Variants in TGM5 observed in about 807,000 individuals in gnomAD.
TGM5 encodes the protein transglutaminase 5.
Under a neutral mutation model 77.2 loss-of-function variants are expected in TGM5, and 69 were observed. The observed-to-expected ratio is 0.89, with a 90% CI of 0.74 to 1.09. The LOEUF is 1.09. Among genes scored for constraint, TGM5 ranks in the 50% least tolerant of loss-of-function variants. The pLI is 0.00. For missense variants in TGM5, 842 were observed against 896.5 expected (o/e 0.94, Z 0.78); for synonymous variants, 346 against 351.8 (o/e 0.98, Z 0.18).
At chr15:43,262,385 C>A (rs1440220523) in intron 1 of TGM5, among the ~76,000 whole-genome samples, 1 of 152,170 alleles carries the variant, frequency 6.6e-6, no homozygotes, top group Non-Finnish European at 1.5e-5. Flanking sequence ...AGTACAGAGA[C>A]CTAGCTGCTT....
At chr15:43,265,113 T>A (rs1304376733) in intron 1 of TGM5, among the ~76,000 whole-genome samples, 2 of 152,318 alleles carry the variant, frequency 1.3e-5, no homozygotes, top group South Asian at 2.1e-4. Flanking sequence ...GTTATCTCAT[T>A]TAATCTTCAT....
chr15:43,263,397 A>C (rs571182498), intron 1 of TGM5, among the ~76,000 whole-genome samples: 1 of 152,366 alleles, frequency 6.6e-6, no homozygotes, highest in Admixed American at 6.5e-5. Flanking sequence ...AGTATTGAAA[A>C]GTAAATACAA....
At position 43,241,789 on chromosome 15, in the gene TGM5, A is replaced by G. The variant is rs530603612; in HGVS notation, c.863-799T>C. Among the ~76,000 whole-genome samples the G allele has an allele frequency of 1.3e-4, 20 of 150,870 alleles. No individual in the cohort carries two copies. In the South Asian group the frequency reaches 3.6e-3, roughly 27 times the overall value. Reference sequence around the variant, plus strand: ...GCTGGGATTACAGGCACACAACACCACACCCGGCTAATTTTTTTTTTTGTA... The same window carrying G: ...GCTGGGATTACAGGCACACAACACCGCACCCGGCTAATTTTTTTTTTTGTA... On this transcript the variant is annotated intron_variant, in intron 6 of 12. Transcript: ENST00000220420.
In TGM5 at chr15:43,260,444, C is replaced by T; in HGVS notation, c.146G>A (p.Ser49Asn). The change falls in exon 2 of 13, where the codon AGC becomes AAC. Residue 49 changes from serine (S) to asparagine (N), a missense_variant. Around this residue, in one of 2 missense-constraint regions of TGM5, gnomAD observed 815 missense variants for 844.6 expected, o/e 0.96. Coordinates refer to ENST00000220420, the MANE Select transcript of TGM5 (RefSeq NM_201631.4). ...FNLTLYFRNR[S>N]FQPGLDNIIF... is the part of the protein sequence containing the mutation. ...GATGTTGTCCAGGCCTGGCTGGAAG[C>T]TCCGGTTCCTGAAGTACAGGGTGAG... 1 of 1,614,206 alleles carries T rather than the reference C, an allele frequency of 6.2e-7. No individual in the cohort carries two copies. The highest frequency in any genetic ancestry group is 8.5e-7 in the Non-Finnish European group (1 of 1,180,030).
Position 43,233,043 on chromosome 15 carries a change from G to C in TGM5, c.*148C>G. On this transcript the variant is annotated 3_prime_UTR_variant, in exon 13 of 13. Transcript: ENST00000220420. ...TTAAATTTCTAGTGGAGTCAGGAGAGACAGAAAATGAACACGTCATCCCCT... is the reference window on the plus strand; with the variant it reads ...TTAAATTTCTAGTGGAGTCAGGAGACACAGAAAATGAACACGTCATCCCCT... 3 of 971,472 alleles carry C rather than the reference G, an allele frequency of 3.1e-6. No homozygotes were observed. Among genetic ancestry groups the C allele is most frequent in the South Asian group, 1.6e-5 (1 of 61,592 alleles). 60.2% of individuals were successfully genotyped at this position (971,472 alleles called of 1,614,324 possible).
intron 5 of TGM5, 150 bp from the exon 6 acceptor site, chr15:43,253,086 G>T: frequency 2.3e-6 from 2 of 852,462 alleles, no homozygotes; most frequent in Non-Finnish European, 3.8e-6. Flanking sequence ...GCTGGGGAGG[G>T]CTAAGGATGG....
At chr15:43,243,091 C>G (rs1049838960) in intron 6 of TGM5, among the ~76,000 whole-genome samples, 1 of 152,160 alleles carries the variant, frequency 6.6e-6, no homozygotes, top group Non-Finnish European at 1.5e-5. Context: ...ACTTTCCCAC[C>G]CTAACACAGG....
chr15:43,241,005 CAAA>C lies in TGM5; in HGVS notation c.863-18_863-16del. ...ACACCTCATCACTGCAAAAAGGGCA[CAAA>C]AAAATCACCTGTGAGCTGTAGATTC... On this transcript the variant is annotated splice_polypyrimidine_tract_variant and intron_variant, in intron 6 of 12. Coordinates refer to ENST00000220420, the MANE Select transcript of TGM5 (RefSeq NM_201631.4). The C allele has an allele frequency of 1.2e-6, 2 of 1,614,036 alleles. No individual in the cohort carries two copies. The highest frequency in any genetic ancestry group is 1.1e-5 in the South Asian group (1 of 91,078).
At chr15:43,256,853 G>T (rs1359533522) in intron 3 of TGM5, among the ~76,000 whole-genome samples, 167 bp from the exon 4 acceptor site, 1 of 151,876 alleles carries the variant, frequency 6.6e-6, no homozygotes, top group Non-Finnish European at 1.5e-5. Flanking sequence ...CCCAACACCA[G>T]CAACAGGCTC....
chr15:43,262,964 T>C (rs1184135880), intron 1 of TGM5, among the ~76,000 whole-genome samples: 1 of 152,226 alleles, frequency 6.6e-6, no homozygotes, highest in African/African-American at 2.4e-5. Context: ...GACATAATCT[T>C]GTATATAGAA....
At chr15:43,235,440 C>T (rs748005598) in intron 10 of TGM5, 29 bp downstream of exon 10, 13 of 1,613,998 alleles carry the variant, frequency 8.1e-6, no homozygotes, top group African/African-American at 1.3e-5. Context: ...AAAACCAACT[C>T]TGCGTACACA....
chr15:43,240,244 G>A (rs1460291011), intron 7 of TGM5, among the ~76,000 whole-genome samples: 1 of 152,192 alleles, frequency 6.6e-6, no homozygotes, highest in African/African-American at 2.4e-5. Flanking sequence ...ATATTGGGAA[G>A]GAAGGAACTC....
chr15:43,233,791 A>T, intron 11 of TGM5, 104 bp from the exon 12 acceptor site: 1 of 1,332,468 alleles, frequency 7.5e-7, no homozygotes, highest in Middle Eastern at 2.3e-4. Context: ...GCCACCTCCA[A>T]ATATGCCACT....
chr15:43,235,381 G>C (rs1252458912), intron 10 of TGM5, 88 bp downstream of exon 10: 39 of 1,572,168 alleles, frequency 2.5e-5, no homozygotes, highest in Non-Finnish European at 3.1e-5. Context: ...GTGTCTCAGG[G>C]GTCTGCCCCC....
intron 6 of TGM5, among the ~76,000 whole-genome samples, chr15:43,244,458 A>G (rs924035412): frequency 6.6e-6 from 1 of 152,202 alleles, no homozygotes; most frequent in Non-Finnish European, 1.5e-5. Context: ...CCCTCGTGAA[A>G]GAGAAACCCA....
At chr15:43,264,995 A>G (rs369579288) in intron 1 of TGM5, among the ~76,000 whole-genome samples, 23 of 152,328 alleles carry the variant, frequency 1.5e-4, no homozygotes, top group Non-Finnish European at 2.9e-4. Flanking sequence ...AGAATTCTCT[A>G]TCTTTTGCAA....
At chr15:43,239,394 G>A (rs1364363154) in intron 7 of TGM5, 128 bp from the exon 8 acceptor site, 3 of 935,698 alleles carry the variant, frequency 3.2e-6, no homozygotes, top group East Asian at 2.5e-5. Flanking sequence ...TAAAACCTCT[G>A]TGGATAGCCA....
At chr15:43,260,751 A>G (rs946149271) in intron 1 of TGM5, 172 bp from the exon 2 acceptor site, 106 of 750,120 alleles carry the variant, frequency 1.4e-4, no homozygotes, top group South Asian at 3.8e-4. Flanking sequence ...AAGGATGAGG[A>G]TTTAATGAGG....
At chr15:43,246,586 C>T (rs1031868088) in intron 6 of TGM5, among the ~76,000 whole-genome samples, 3 of 152,118 alleles carry the variant, frequency 2.0e-5, no homozygotes, top group African/African-American at 4.8e-5. Flanking sequence ...AACACAGGCT[C>T]GGGAAGCCCA....
Sources: gnomAD v4.1 joint callset for allele counts (sites outside exome capture counted in the v4.1 genomes callset) on GRCh38, gnomAD v4.1.1 for gene constraint, gnomAD v4.1.1 regional missense constraint, MANE v1.5 for transcripts, NCBI Gene and HGNC (gene_info 2026-07-23, HGNC 2026-07-21) for gene names.